The following ATRNL1 variants were observed in gnomAD, a reference collection of about 807,000 sequenced individuals.
ATRNL1 encodes attractin-like protein 1.
Under a neutral mutation model 182.7 loss-of-function variants are expected in ATRNL1, and 95 were observed. The observed-to-expected ratio is 0.52, with a 90% CI of 0.44 to 0.62. The LOEUF (loss-of-function observed/expected upper bound fraction) is 0.62. Among genes scored for constraint, ATRNL1 ranks in the 20% least tolerant of loss-of-function variants. The pLI is 0.00. For synonymous variants in ATRNL1, 576 were observed against 568.3 expected (o/e 1.01, Z -0.19); for missense variants, 1,471 against 1,679.5 (o/e 0.88, Z 2.17).
At chr10:115,614,786 C>T (rs1306106612) in intron 26 of ATRNL1, among the ~76,000 whole-genome samples, 1 of 151,924 alleles carries the variant, frequency 6.6e-6, no homozygotes, top group Non-Finnish European at 1.5e-5. Context: ...CCTTATTTGT[C>T]CCTTTTGTTC....
At chr10:115,280,676 CT>C (rs1554916510) in intron 13 of ATRNL1, among the ~76,000 whole-genome samples, 1 of 152,200 alleles carries the variant, frequency 6.6e-6, no homozygotes, top group Admixed American at 6.5e-5. Context: ...CAAGGGCAGT[CT>C]TTCTCTGGTG....
intron 19 of ATRNL1, among the ~76,000 whole-genome samples, chr10:115,381,595 G>A (rs1554951130): frequency 6.6e-6 from 1 of 151,584 alleles, no homozygotes; most frequent in Admixed American, 6.6e-5. Flanking sequence ...TTTAATAGAA[G>A]AGTTCTTTAT....
chr10:115,482,582 AT>A (rs1848819185), intron 24 of ATRNL1, among the ~76,000 whole-genome samples: 1 of 151,222 alleles, frequency 6.6e-6, no homozygotes, highest in African/African-American at 2.4e-5. Context: ...GTAGTAATGA[AT>A]TTCTTCATTA....
chr10:115,199,421 T>TG (rs201046003), intron 8 of ATRNL1, among the ~76,000 whole-genome samples: 3,770 of 151,924 alleles, frequency 0.025, 154 homozygotes, highest in African/African-American at 0.086. Context: ...AAAAATTAGC[T>TG]GGCGTAGTGG....
chr10:115,465,979 G>A (rs148974802), intron 22 of ATRNL1, among the ~76,000 whole-genome samples: 228 of 151,594 alleles, frequency 1.5e-3, no homozygotes, highest in African/African-American at 5.2e-3. Context: ...AAATCATTAA[G>A]AGTAGATGTT....
intron 5 of ATRNL1, among the ~76,000 whole-genome samples, chr10:115,148,974 G>C (rs1846095578): frequency 6.6e-6 from 1 of 152,010 alleles, no homozygotes; most frequent in Non-Finnish European, 1.5e-5. Flanking sequence ...GACCTCAGGT[G>C]ATCCACCTGC....
rs184191902 is a variant in ATRNL1 at position 115,618,530 on chromosome 10, C to T, written c.3795+68994C>T. Among the ~76,000 whole-genome samples, 759 of 150,618 alleles carry T rather than the reference C, an allele frequency of 5.0e-3. 13 individuals are homozygous for T. Among genetic ancestry groups the T allele is most frequent in the African/African-American group, 0.018 (731 of 41,044 alleles). ...TTTTACAATTTTTTTTTTCCTTTTC[C>T]TTTTTCTTTTTTCAGACTGGTTTAT... On this transcript the variant is annotated intron_variant, in intron 26 of 28. Coordinates refer to ENST00000355044, the MANE Select transcript of ATRNL1 (RefSeq NM_207303.4).
intron 19 of ATRNL1, among the ~76,000 whole-genome samples, chr10:115,367,619 T>TC (rs1857123656): frequency 6.6e-6 from 1 of 151,056 alleles, no homozygotes; most frequent in Non-Finnish European, 1.5e-5. Flanking sequence ...TTCCAGTTTT[T>TC]CTGTTCTGTT....
At chr10:115,542,907 G>A (rs1852441800) in intron 25 of ATRNL1, among the ~76,000 whole-genome samples, 1 of 152,128 alleles carries the variant, frequency 6.6e-6, no homozygotes, top group South Asian at 2.1e-4. Context: ...GAGTATGCAA[G>A]TTCTTTGGTG....
At chr10:115,541,558 C>T (rs1852361424) in intron 25 of ATRNL1, among the ~76,000 whole-genome samples, 1 of 152,058 alleles carries the variant, frequency 6.6e-6, no homozygotes, top group Admixed American at 6.6e-5. Context: ...GTCATGTGAA[C>T]CATATTTATA....
At chr10:115,722,533 AT>A (rs1284525168) in intron 26 of ATRNL1, among the ~76,000 whole-genome samples, 4 of 152,090 alleles carry the variant, frequency 2.6e-5, no homozygotes, top group African/African-American at 7.2e-5. Flanking sequence ...ACAAAAAATG[AT>A]TTTTTACTTG....
At chr10:115,400,610 A>G (rs1450474910) in intron 20 of ATRNL1, among the ~76,000 whole-genome samples, 2 of 152,144 alleles carry the variant, frequency 1.3e-5, no homozygotes, top group African/African-American at 2.4e-5. Flanking sequence ...AACTTGCTTT[A>G]TGAATCTGGA....
chr10:115,904,581 C>G (rs571530264), intron 28 of ATRNL1, among the ~76,000 whole-genome samples: 28 of 152,336 alleles, frequency 1.8e-4, no homozygotes, highest in African/African-American at 4.8e-4. Flanking sequence ...CAAGACTATA[C>G]TGTAGCCAAG....
At chr10:115,424,204 A>C (rs1845776672) in intron 20 of ATRNL1, among the ~76,000 whole-genome samples, 2 of 152,194 alleles carry the variant, frequency 1.3e-5, no homozygotes, top group Non-Finnish European at 2.9e-5. Flanking sequence ...ATCATTAGGA[A>C]AATGCAAATC....
chr10:115,148,744 GTTTTTT>G (rs71010009), intron 5 of ATRNL1, among the ~76,000 whole-genome samples: 1 of 116,754 alleles, frequency 8.6e-6, no homozygotes, highest in Admixed American at 9.1e-5. Flanking sequence ...GGCCAGATGC[GTTTTTT>G]TTTTTTTTTT....
At chr10:115,136,259 T>C (rs1428167523) in intron 5 of ATRNL1, among the ~76,000 whole-genome samples, 1 of 152,034 alleles carries the variant, frequency 6.6e-6, no homozygotes, top group Non-Finnish European at 1.5e-5. Flanking sequence ...TGTAGACTCA[T>C]CTGCTTCTAT....
rs548699274 is a variant in ATRNL1 at position 115,135,054 on chromosome 10, T to C, written c.829+5519T>C. 8.0e-4 allele frequency among the ~76,000 whole-genome samples: 122 copies of C among 152,120 alleles called. 2 individuals are homozygous for C. The South Asian group carries it at 0.024, about 30-fold the overall frequency. ...TGTATCTCAAAATAATAAGAGGTAT[T>C]TATGACAAACCCACAGCCAATATCA... On this transcript the variant is annotated intron_variant, in intron 5 of 28. Transcript: ENST00000355044.
chr10:115,431,415 A>G lies in ATRNL1; in HGVS notation c.3322+5113A>G, dbSNP rs567956733. Among the ~76,000 whole-genome samples the G allele has an allele frequency of 1.8e-3, 268 of 151,882 alleles. 1 individual carries two copies. Among genetic ancestry groups the G allele is most frequent in the African/African-American group, 5.9e-3 (246 of 41,478 alleles). ...AAGAGTGAAACTAAAAAAAAAAAAAAAAAAGAAAAGAAAAGATATAATATT... is the reference window on the plus strand; with the variant it reads ...AAGAGTGAAACTAAAAAAAAAAAAAGAAAAGAAAAGAAAAGATATAATATT... On this transcript the variant is annotated intron_variant, in intron 21 of 28. Transcript: ENST00000355044.
At chr10:115,890,350 C>T (rs758288992) in intron 28 of ATRNL1, among the ~76,000 whole-genome samples, 32 of 152,178 alleles carry the variant, frequency 2.1e-4, no homozygotes, top group Non-Finnish European at 4.3e-4. Flanking sequence ...ATTTATTGAA[C>T]ACAAAGACAT....
Sources: gnomAD v4.1 joint callset for allele counts (sites outside exome capture counted in the v4.1 genomes callset) on GRCh38, gnomAD v4.1.1 for gene constraint, MANE v1.5 for transcripts, NCBI Gene and HGNC (gene_info 2026-07-23, HGNC 2026-07-21) for gene names.